SPAG16: variants seen among roughly 807,000 people sequenced by gnomAD.
SPAG16 encodes sperm-associated antigen 16 protein.
In SPAG16, 86 loss-of-function variants were observed where a neutral mutation model predicts 80.4. The ratio of observed to expected loss-of-function variants is 1.07; its 90% CI spans 0.90 to 1.28. The LOEUF (loss-of-function observed/expected upper bound fraction) is 1.28, where lower values mean the gene tolerates loss of function less well. Ranked by LOEUF, SPAG16 falls within the 50% of genes most tolerant of loss-of-function variation. The probability of loss-of-function intolerance (pLI) is 0.00; values close to 1 mark genes in which losing one functional copy is unlikely to be tolerated. For missense variants in SPAG16, 870 were observed against 765.3 expected (o/e 1.14, Z -1.61); for synonymous variants, 294 against 265.9 (o/e 1.11, Z -1.03).
intron 10 of SPAG16, among the ~76,000 whole-genome samples, chr2:213,499,185 C>T (rs2074630759): frequency 6.6e-6 from 1 of 152,002 alleles, no homozygotes; most frequent in South Asian, 2.1e-4. Flanking sequence ...GCTCATGTTC[C>T]TTTGACCATT....
At chr2:213,833,533 A>AT (rs2073876874) in intron 10 of SPAG16, among the ~76,000 whole-genome samples, 1 of 90 alleles carries the variant, frequency 0.011, no homozygotes, top group Non-Finnish European at 0.05. Flanking sequence ...TATATATATT[A>AT]TATATAATAT....
chr2:214,208,380 C>T (rs563074846), intron 15 of SPAG16, among the ~76,000 whole-genome samples: 82 of 152,156 alleles, frequency 5.4e-4, no homozygotes, highest in African/African-American at 1.5e-3. Context: ...ACTGATTAGA[C>T]GCCAAAATGG....
chr2:213,709,445 G>A (rs2065890989), intron 10 of SPAG16, among the ~76,000 whole-genome samples: 1 of 152,084 alleles, frequency 6.6e-6, no homozygotes, highest in Non-Finnish European at 1.5e-5. Flanking sequence ...AAACACTTAT[G>A]GAATATTTCA....
At chr2:213,504,641 C>T (rs967939111) in intron 10 of SPAG16, among the ~76,000 whole-genome samples, 20 of 152,032 alleles carry the variant, frequency 1.3e-4, no homozygotes, top group African/African-American at 4.6e-4. Context: ...CAATTTAAAA[C>T]AACTAGCAAG....
Position 213,819,390 on chromosome 2 carries a change from G to A in SPAG16, c.1071-43095G>A, listed in dbSNP as rs1233458078. Among the ~76,000 whole-genome samples, 14 of 152,070 alleles carry A rather than the reference G, an allele frequency of 9.2e-5. No individual in the cohort carries two copies. The East Asian group carries it at 2.7e-3, about 29-fold the overall frequency. On this transcript the variant is annotated intron_variant, in intron 10 of 15. Transcript: ENST00000331683. ...CTAATTACTAGCCAACATTTTATGT[G>A]TCCATTTGTTAACTTGTTTATTTGA...
chr2:213,430,533 A>C (rs1422700596), intron 9 of SPAG16, among the ~76,000 whole-genome samples: 2 of 152,176 alleles, frequency 1.3e-5, no homozygotes, highest in South Asian at 2.1e-4. Context: ...CCTGACAATT[A>C]TTCTTCTTCC....
chr2:214,047,355 A>G (rs1009321443), intron 13 of SPAG16, among the ~76,000 whole-genome samples: 1 of 152,184 alleles, frequency 6.6e-6, no homozygotes, highest in Non-Finnish European at 1.5e-5. Context: ...ACATAGACCA[A>G]TGGAACAGAA....
At chr2:213,297,886 G>A (rs1218037822) in intron 3 of SPAG16, among the ~76,000 whole-genome samples, 10 of 152,094 alleles carry the variant, frequency 6.6e-5, no homozygotes, top group Non-Finnish European at 1.2e-4. Flanking sequence ...CATTAAAATT[G>A]TGAACCATTT....
At chr2:214,202,602 G>A (rs2058040255) in intron 15 of SPAG16, among the ~76,000 whole-genome samples, 1 of 152,160 alleles carries the variant, frequency 6.6e-6, no homozygotes, top group Admixed American at 6.6e-5. Context: ...ATCCATAGAG[G>A]TAGGGAGTAG....
intron 10 of SPAG16, among the ~76,000 whole-genome samples, chr2:213,715,314 A>G (rs978006988): frequency 6.6e-6 from 1 of 152,008 alleles, no homozygotes. Flanking sequence ...ATGATTGGAT[A>G]TGGAGGTGAG....
intron 10 of SPAG16, among the ~76,000 whole-genome samples, chr2:213,778,331 C>T (rs2069729450): frequency 1.3e-5 from 2 of 151,984 alleles, no homozygotes; most frequent in African/African-American, 4.8e-5. Context: ...AGAATTGACA[C>T]CTGAAAACCT....
chr2:213,305,719 T>C (rs1403739223), intron 3 of SPAG16, among the ~76,000 whole-genome samples: 1 of 152,194 alleles, frequency 6.6e-6, no homozygotes, highest in Non-Finnish European at 1.5e-5. Flanking sequence ...CACTTGGTCA[T>C]GATGATGACC....
At chr2:214,112,294 T>C (rs1035069386) in intron 14 of SPAG16, among the ~76,000 whole-genome samples, 12 of 152,172 alleles carry the variant, frequency 7.9e-5, no homozygotes, top group Admixed American at 7.2e-4. Context: ...TCTGTTGATT[T>C]GGGGTGGAGA....
chr2:214,033,735 A>G (rs980145125), intron 13 of SPAG16, among the ~76,000 whole-genome samples: 1 of 152,086 alleles, frequency 6.6e-6, no homozygotes, highest in Non-Finnish European at 1.5e-5. Flanking sequence ...ATAGACTTAT[A>G]TTTCTCCAAA....
intron 13 of SPAG16, among the ~76,000 whole-genome samples, chr2:214,016,872 G>T (rs1208299697): frequency 6.6e-6 from 1 of 152,056 alleles, no homozygotes; most frequent in Non-Finnish European, 1.5e-5. Context: ...CAATAAGAAA[G>T]AGAAATGTAA....
intron 15 of SPAG16, among the ~76,000 whole-genome samples, chr2:214,171,497 GC>G (rs2056866504): frequency 6.6e-6 from 1 of 151,868 alleles, no homozygotes; most frequent in African/African-American, 2.4e-5. Context: ...TTTATTGAGG[GC>G]CTTTGACTCT....
At chr2:213,426,691 A>G (rs2069936995) in intron 9 of SPAG16, among the ~76,000 whole-genome samples, 1 of 151,790 alleles carries the variant, frequency 6.6e-6, no homozygotes, top group Middle Eastern at 3.2e-3. Context: ...TACTACCATC[A>G]TCTCTTTAAA....
intron 14 of SPAG16, among the ~76,000 whole-genome samples, chr2:214,120,028 T>G (rs1576271251): frequency 6.6e-6 from 1 of 151,986 alleles, no homozygotes. Flanking sequence ...TTTTTGTTTT[T>G]CTCTGGACTT....
rs1253175831 is a variant in SPAG16, at chr2:214,246,329, C to T, written c.1720+97063C>T. On this transcript the variant is annotated intron_variant, in intron 15 of 15. Transcript: ENST00000331683. ...AGCAATATTTCTCATCCAACATTCT[C>T]TTCCACAATGTCACGATGACATTCC... Among the ~76,000 whole-genome samples the T allele has an allele frequency of 2.6e-5, 4 of 152,118 alleles. No homozygotes were observed. The East Asian group carries it at 7.7e-4, about 29-fold the overall frequency.
Sources: allele counts gnomAD v4.1 joint callset (sites outside exome capture counted in the v4.1 genomes callset), GRCh38; gene constraint gnomAD v4.1.1; transcripts MANE v1.5; gene names NCBI Gene and HGNC (gene_info 2026-07-23, HGNC 2026-07-21).